Variants in DMRT1 observed in about 807,000 individuals in gnomAD.
DMRT1 encodes doublesex- and mab-3-related transcription factor 1.
A neutral mutation model predicts 32.3 loss-of-function variants in DMRT1; 7 were observed. The observed-to-expected ratio is 0.22, with a 90% CI of 0.12 to 0.41. DMRT1 has a LOEUF of 0.41. Among genes scored for constraint, DMRT1 ranks in the 10% least tolerant of loss-of-function variants. The pLI is 1.00. For synonymous variants in DMRT1, 278 were observed against 206.1 expected, an observed-to-expected ratio of 1.35 and a Z score of -2.99; for missense variants, 625 against 500.5, an observed-to-expected ratio of 1.25 and a Z score of -2.37.
At chr9:926,618 T>G (rs1818532166) in intron 4 of DMRT1, among the ~76,000 whole-genome samples, 1 of 151,666 alleles carries the variant, frequency 6.6e-6, no homozygotes, top group Non-Finnish European at 1.5e-5. Context: ...AGCTATAGAT[T>G]GAATACACAG....
At chr9:962,297 T>TG (rs1443710246) in intron 4 of DMRT1, among the ~76,000 whole-genome samples, 1 of 151,960 alleles carries the variant, frequency 6.6e-6, no homozygotes, top group East Asian at 1.9e-4. Context: ...TGACTGAGTT[T>TG]GGGGGCAAGG....
chr9:879,135 A>G (rs1025902055), intron 2 of DMRT1, among the ~76,000 whole-genome samples: 7 of 152,236 alleles, frequency 4.6e-5, no homozygotes, highest in Admixed American at 2.0e-4. Flanking sequence ...AATTCTCTCA[A>G]ATCAGTCCCC....
rs555952263 is a variant in DMRT1 at position 872,278 on chromosome 9, G to A, written c.539-21634G>A. Reference sequence around the variant, plus strand: ...GGGTTTCACCATGTTGGCCAGGCTGGTCTCGAACTCCTGACCTTGTGATCC... The same window carrying A: ...GGGTTTCACCATGTTGGCCAGGCTGATCTCGAACTCCTGACCTTGTGATCC... On this transcript the variant is annotated intron_variant, in intron 2 of 4. Transcript: ENST00000382276. Among the ~76,000 whole-genome samples the A allele has an allele frequency of 1.1e-4, 17 of 152,116 alleles. 1 individual carries two copies. The highest frequency in any genetic ancestry group is 4.1e-4 in the African/African-American group (17 of 41,412).
chr9:894,634 C>T (rs559584582), intron 3 of DMRT1: 2 of 279,886 alleles, frequency 7.1e-6, no homozygotes, highest in Non-Finnish European at 1.4e-5. Flanking sequence ...TTCTGGGTGG[C>T]AGTAATCTGC....
At chr9:907,368 G>A (rs1189591712) in intron 3 of DMRT1, among the ~76,000 whole-genome samples, 2 of 152,160 alleles carry the variant, frequency 1.3e-5, no homozygotes, top group Non-Finnish European at 2.9e-5. Flanking sequence ...CTAGACAAAT[G>A]TAGGTTTCCA....
At chr9:864,714 A>G (rs549011767) in intron 2 of DMRT1, among the ~76,000 whole-genome samples, 4 of 148,864 alleles carry the variant, frequency 2.7e-5, no homozygotes, top group East Asian at 2.0e-4. Flanking sequence ...GTTAGCCAGG[A>G]TGGTCTCCAT....
At chr9:925,188 G>A (rs1446173777) in intron 4 of DMRT1, among the ~76,000 whole-genome samples, 1 of 152,164 alleles carries the variant, frequency 6.6e-6, no homozygotes, top group East Asian at 1.9e-4. Context: ...ATCGTGCAGT[G>A]TTCTCAGATG....
intron 2 of DMRT1, among the ~76,000 whole-genome samples, chr9:871,586 C>T (rs1256100280): frequency 2.0e-5 from 3 of 147,572 alleles, no homozygotes; most frequent in Admixed American, 6.7e-5. Context: ...CGTGATCCGC[C>T]CGCCTCTGCC....
chr9:910,871 G>A (rs949317334), intron 3 of DMRT1, among the ~76,000 whole-genome samples: 9 of 151,994 alleles, frequency 5.9e-5, no homozygotes, highest in Admixed American at 1.3e-4. Context: ...GGGTTTTTAG[G>A]GTTTACTTGG....
intron 2 of DMRT1, among the ~76,000 whole-genome samples, chr9:855,142 A>G (rs1052918693): frequency 6.6e-6 from 1 of 152,022 alleles, no homozygotes; most frequent in Non-Finnish European, 1.5e-5. Flanking sequence ...CTTTGCTTAT[A>G]TGTCAAGTAT....
intron 2 of DMRT1, among the ~76,000 whole-genome samples, chr9:865,702 C>G (rs949649995): frequency 3.3e-5 from 5 of 152,174 alleles, no homozygotes; most frequent in African/African-American, 9.7e-5. Flanking sequence ...CCCTACACCC[C>G]CAGTTGCCAG....
intron 4 of DMRT1, among the ~76,000 whole-genome samples, chr9:966,293 T>C (rs1427418812): frequency 6.6e-6 from 1 of 152,236 alleles, no homozygotes; most frequent in African/African-American, 2.4e-5. Flanking sequence ...GCTATATTTA[T>C]ATATGCATAT....
intron 4 of DMRT1, among the ~76,000 whole-genome samples, chr9:963,621 G>T (rs1380927679): frequency 6.6e-6 from 1 of 152,126 alleles, no homozygotes; most frequent in African/African-American, 2.4e-5. Flanking sequence ...TTTATCCCTT[G>T]TTCTGAGTGC....
intron 2 of DMRT1, among the ~76,000 whole-genome samples, chr9:874,322 G>T (rs149248391): frequency 6.6e-6 from 1 of 152,118 alleles, no homozygotes; most frequent in Non-Finnish European, 1.5e-5. Context: ...AAATCATAGC[G>T]CCTTCATCTA....
chr9:842,023 A>T lies in DMRT1; in HGVS notation c.185A>T (p.Asp62Val), dbSNP rs1280954445. ...RGGGSGSGAS[D>V]LGAGSKKSPR... ...GGCGGCTCCGGCTCCGGGGCGTCGG[A>T]CCTGGGTGCCGGGAGCAAGAAGTCC... Residue 62 changes from aspartate to valine, a missense_variant, in exon 1 of 5, where the codon GAC becomes GTC. Asp to Val is a radical substitution (Grantham distance 152). Transcript: ENST00000382276. The T allele has an allele frequency of 1.3e-6, 2 of 1,549,454 alleles. No individual in the cohort carries two copies. The highest frequency in any genetic ancestry group is 1.9e-5 in the Admixed American group (1 of 51,508).
intron 2 of DMRT1, among the ~76,000 whole-genome samples, chr9:881,325 A>T (rs968519044): frequency 2.6e-5 from 4 of 152,216 alleles, no homozygotes; most frequent in Non-Finnish European, 4.4e-5. Context: ...AACGGAAGCT[A>T]TGTGAAACAA....
chr9:889,276 C>T lies in DMRT1; in HGVS notation c.539-4636C>T, dbSNP rs574171626. 1.1e-4 allele frequency among the ~76,000 whole-genome samples: 17 copies of T among 152,234 alleles called. No homozygotes were observed. The East Asian group carries it at 1.2e-3, about 10-fold the overall frequency. ...ATTGGGAATTTTAACATATAGAATTCGGTGGTTTATACACATAGTACTTTG... is the reference window on the plus strand; with the variant it reads ...ATTGGGAATTTTAACATATAGAATTTGGTGGTTTATACACATAGTACTTTG... On this transcript the variant is annotated intron_variant, in intron 2 of 4. Transcript: ENST00000382276.
At chr9:883,286 A>C (rs1343784692) in intron 2 of DMRT1, among the ~76,000 whole-genome samples, 1 of 152,050 alleles carries the variant, frequency 6.6e-6, no homozygotes, top group Non-Finnish European at 1.5e-5. Flanking sequence ...AGATAAGACA[A>C]AAATCTCTTC....
chr9:939,424 G>C (rs1200365321), intron 4 of DMRT1, among the ~76,000 whole-genome samples: 1 of 152,150 alleles, frequency 6.6e-6, no homozygotes, highest in Non-Finnish European at 1.5e-5. Flanking sequence ...CTTATGTCAG[G>C]ATATTTCCAA....
Sources: allele counts gnomAD v4.1 joint callset (sites outside exome capture counted in the v4.1 genomes callset), GRCh38; gene constraint gnomAD v4.1.1; transcripts MANE v1.5; gene names NCBI Gene and HGNC (gene_info 2026-07-23, HGNC 2026-07-21).